The following SBNO2 variants were observed in gnomAD, a reference collection of about 807,000 sequenced individuals.
SBNO2 encodes protein strawberry notch homolog 2.
A neutral mutation model predicts 146.3 loss-of-function variants in SBNO2; 89 were observed. The ratio of observed to expected loss-of-function variants is 0.61; its 90% CI spans 0.51 to 0.73. The LOEUF (loss-of-function observed/expected upper bound fraction) is 0.73. Ranked by LOEUF, SBNO2 falls within the 30% of genes least tolerant of loss-of-function variation. SBNO2 has a pLI of 0.00. For synonymous variants in SBNO2, 1,147 were observed against 892.6 expected (o/e 1.29, Z -5.08); for missense variants, 2,092 against 2,003.7 (o/e 1.04, Z -0.84).
Position 1,158,005 on chromosome 19 carries a change from C to T in SBNO2, c.-126-3603G>A, listed in dbSNP as rs760588921. Among the ~76,000 whole-genome samples the T allele has an allele frequency of 6.6e-6, 1 of 150,912 alleles. No homozygotes were observed. The highest frequency in any genetic ancestry group is 2.5e-5 in the African/African-American group (1 of 40,518). On this transcript the variant is annotated intron_variant, in intron 1 of 31. Coordinates refer to ENST00000361757, the MANE Select transcript of SBNO2 (RefSeq NM_014963.3). The surrounding 1 kb of genome is among the most constrained non-coding windows in gnomAD (Gnocchi z 9.9). ...TAACTGTCCGCCTCCCAGCTCTCTC[C>T]TGAGTCTGGGTAACTGCATCTGCCT...
Position 1,110,307 on chromosome 19 carries a change from C to T in SBNO2, c.3028+438G>A, listed in dbSNP as rs1041932201. Among the ~76,000 whole-genome samples the T allele has an allele frequency of 1.1e-4, 17 of 152,122 alleles. No homozygotes were observed. The highest frequency in any genetic ancestry group is 2.4e-4 in the Non-Finnish European group (16 of 68,010). ...CATGAGGCTGGAAGCACAGGCTCGC[C>T]GGCCTTTCGTTCACAACAATGTAGC... On this transcript the variant is annotated intron_variant, in intron 26 of 31. Transcript: ENST00000361757. The surrounding 1 kb of genome is among the most constrained non-coding windows in gnomAD (Gnocchi z 4.9).
intron 1 of SBNO2, among the ~76,000 whole-genome samples, chr19:1,172,778 G>GCCCCACCCC (rs2080491535): frequency 2.8e-5 from 1 of 36,302 alleles, no homozygotes; most frequent in Non-Finnish European, 4.5e-5. Context: ...CACTGCAACC[G>GCCCCACCCC]CCCCCCCCGC....
intron 1 of SBNO2, among the ~76,000 whole-genome samples, chr19:1,163,341 C>T (rs2080368403): frequency 6.6e-6 from 1 of 152,208 alleles, no homozygotes; most frequent in Non-Finnish European, 1.5e-5. Context: ...ACCAAGGGCG[C>T]CTGGAGCCCC....
Position 1,147,428 on chromosome 19 carries a change from G to T in SBNO2, c.168-8C>A. ...GCGGAGCTCATGAACGGGCTGGAGGGAGATGGGGGGGGGGGAGGTGAGATG... is the reference window on the plus strand; with the variant it reads ...GCGGAGCTCATGAACGGGCTGGAGGTAGATGGGGGGGGGGGAGGTGAGATG... On this transcript the variant is annotated splice_region_variant and splice_polypyrimidine_tract_variant and intron_variant, in intron 3 of 31. Coordinates refer to ENST00000361757, the MANE Select transcript of SBNO2 (RefSeq NM_014963.3). The T allele has an allele frequency of 9.3e-7, 1 of 1,071,524 alleles. No individual in the cohort carries two copies. The highest frequency in any genetic ancestry group is 1.3e-6 in the Non-Finnish European group (1 of 780,218). The allele number at this position is 1,071,524 out of a possible 1,614,324, so 66.4% of individuals were successfully genotyped here. A position where few individuals can be genotyped will look rare whatever the true frequency, so the allele number is the denominator to read the frequency against.
chr19:1,161,856 G>A (rs977874301), intron 1 of SBNO2, among the ~76,000 whole-genome samples: 2 of 148,342 alleles, frequency 1.3e-5, no homozygotes, highest in African/African-American at 5.0e-5. Flanking sequence ...TCAGTCAGGC[G>A]GCAGGGCCAG....
chr19:1,122,584 C>T, intron 9 of SBNO2, 26 bp from the exon 10 acceptor site: 2 of 1,516,364 alleles, frequency 1.3e-6, no homozygotes, highest in Non-Finnish European at 1.8e-6. Flanking sequence ...GTCAGGCGCG[C>T]CCACCCTTCC....
rs1203719539 is a variant in SBNO2, at chr19:1,123,938, T to A, written c.522+4A>T. On this transcript the variant is annotated splice_donor_region_variant and intron_variant, in intron 6 of 31. Coordinates refer to ENST00000361757, the MANE Select transcript of SBNO2 (RefSeq NM_014963.3). ...GAGGGAGCTCTCGGCTGGGCCCAGC[T>A]CACCTGGTAGCTGACGAGAAGCGGG... The A allele has an allele frequency of 6.2e-7, 1 of 1,610,506 alleles. No homozygotes were observed. Among genetic ancestry groups the A allele is most frequent in the Non-Finnish European group, 8.5e-7 (1 of 1,178,866 alleles).
intron 13 of SBNO2, 80 bp downstream of exon 13, chr19:1,119,436 T>C: frequency 8.7e-7 from 1 of 1,148,358 alleles, no homozygotes; most frequent in Non-Finnish European, 1.3e-6. Context: ...CACGTGGCAG[T>C]GCCAGGCCTT....
At chr19:1,133,423 G>C (rs1166802809) in intron 4 of SBNO2, among the ~76,000 whole-genome samples, 4 of 152,276 alleles carry the variant, frequency 2.6e-5, no homozygotes, top group African/African-American at 9.6e-5. Flanking sequence ...GTGGGACCAG[G>C]GGGCCCTCAA....
At chr19:1,120,339 C>T (rs900021179) in intron 11 of SBNO2, among the ~76,000 whole-genome samples, 6 of 152,132 alleles carry the variant, frequency 3.9e-5, no homozygotes, top group South Asian at 2.1e-4. Context: ...ACGTTGCCAT[C>T]GGAGGAGGAT....
chr19:1,149,269 G>T, intron 3 of SBNO2, 100 bp downstream of exon 3: 1 of 1,124,024 alleles, frequency 8.9e-7, no homozygotes, highest in Non-Finnish European at 1.3e-6. Flanking sequence ...CCCTCAACAA[G>T]ACTTTGGGCC....
chr19:1,149,292 A>C, intron 3 of SBNO2, 77 bp downstream of exon 3: 1 of 1,381,928 alleles, frequency 7.2e-7, no homozygotes, highest in Non-Finnish European at 1.0e-6. Flanking sequence ...CGCGCCCTGC[A>C]CCCAGAACTC....
intron 2 of SBNO2, among the ~76,000 whole-genome samples, chr19:1,149,775 C>T (rs987879006): frequency 2.6e-5 from 4 of 152,314 alleles, no homozygotes; most frequent in African/African-American, 4.8e-5. Context: ...CTGGGGGTGC[C>T]GCTGGCCCCG....
chr19:1,154,857 G>A (rs1042075421), intron 1 of SBNO2, among the ~76,000 whole-genome samples: 2 of 152,200 alleles, frequency 1.3e-5, no homozygotes, highest in Non-Finnish European at 2.9e-5. Flanking sequence ...GAGGCAGCAG[G>A]GGCTCCACAG....
Position 1,109,061 on chromosome 19 carries a change from T to C in SBNO2, c.3425+74A>G. On this transcript the variant is annotated intron_variant, in intron 30 of 31. Coordinates refer to ENST00000361757, the MANE Select transcript of SBNO2 (RefSeq NM_014963.3). This position sits in a 1 kb window ranked among gnomAD's most constrained non-coding sequence, Gnocchi z 4.2. Reference sequence around the variant, plus strand: ...TGAGATCTCCCGCCTCCTCTCAGGGTCTCGGGAGCCCCCGATCCCCGCCTG... The same window carrying C: ...TGAGATCTCCCGCCTCCTCTCAGGGCCTCGGGAGCCCCCGATCCCCGCCTG... 5.3e-6 allele frequency: 8 copies of C among 1,522,752 alleles called. No homozygotes were observed. Among genetic ancestry groups the C allele is most frequent in the Non-Finnish European group, 7.0e-6 (8 of 1,135,062 alleles). The allele number at this position is 1,522,752 out of a possible 1,614,324, so 94.3% of individuals were successfully genotyped here. A position where few individuals can be genotyped will look rare whatever the true frequency, so the allele number is the denominator to read the frequency against.
chr19:1,113,602 C>T lies in SBNO2; in HGVS notation c.2180G>A (p.Arg727Gln), dbSNP rs777851179. The change falls in exon 19 of 32, where the codon CGG becomes CAG. Residue 727 changes from arginine to glutamine, a missense_variant. By Grantham distance (43) the Arg-to-Gln change is conservative (BLOSUM62 1). Transcript: ENST00000361757. ...DLLDKVRRLG[R>Q]ELPVNTLDEL... is the part of the protein sequence containing the mutation. Reference sequence around the variant, plus strand: ...GTCCAGGGTGTTGACTGGCAGTTCCCGGCCCAGCCGCCGCACTTTGTCCAG... The same window carrying T: ...GTCCAGGGTGTTGACTGGCAGTTCCTGGCCCAGCCGCCGCACTTTGTCCAG... 23 of 1,597,056 alleles carry T rather than the reference C, an allele frequency of 1.4e-5. No homozygotes were observed. Among genetic ancestry groups the T allele is most frequent in the East Asian group, 6.9e-5 (3 of 43,448 alleles).
At chr19:1,128,213 C>T (rs1454005120) in intron 4 of SBNO2, 2 of 497,838 alleles carry the variant, frequency 4.0e-6, no homozygotes, top group South Asian at 3.0e-5. Context: ...CGTCTGACTT[C>T]TGCAGCACCT....
At chr19:1,114,633 G>A (rs953471890) in intron 17 of SBNO2, among the ~76,000 whole-genome samples, 1 of 124,526 alleles carries the variant, frequency 8.0e-6, no homozygotes, top group Non-Finnish European at 1.6e-5. Context: ...CGGTGTGGGG[G>A]GCCATATTTT....
At chr19:1,143,754 C>T (rs1311027251) in intron 4 of SBNO2, among the ~76,000 whole-genome samples, 1 of 152,234 alleles carries the variant, frequency 6.6e-6, no homozygotes, top group East Asian at 1.9e-4. Flanking sequence ...ACTGGGTCTC[C>T]AGGTCACCCA....
Sources: gnomAD v4.1 joint callset for allele counts (sites outside exome capture counted in the v4.1 genomes callset) on GRCh38, gnomAD v4.1.1 for gene constraint, Gnocchi (gnomAD v3.1) non-coding constraint, MANE v1.5 for transcripts, NCBI Gene and HGNC (gene_info 2026-07-23, HGNC 2026-07-21) for gene names.